Variants in FCHSD2 observed in about 807,000 individuals in gnomAD.
The protein encoded by FCHSD2 is FCH and double SH3 domains 2.
A neutral mutation model predicts 108.1 loss-of-function variants in FCHSD2; 38 were observed. The ratio of observed to expected loss-of-function variants is 0.35; its 90% CI spans 0.27 to 0.46. FCHSD2 has a LOEUF of 0.46. Ranked by LOEUF, FCHSD2 falls within the 20% of genes least tolerant of loss-of-function variation. The pLI is 1.00. For synonymous variants in FCHSD2, 279 were observed against 314.7 expected (o/e 0.89, Z 1.20); for missense variants, 751 against 897.8 (o/e 0.84, Z 2.09).
Position 72,843,137 on chromosome 11 carries a change from GT to G in FCHSD2, c.1705+13del. 1 of 1,613,234 alleles carries G rather than the reference GT, an allele frequency of 6.2e-7. No individual in the cohort carries two copies. Among genetic ancestry groups the G allele is most frequent in the East Asian group, 2.2e-5 (1 of 44,882 alleles). On this transcript the variant is annotated intron_variant, in intron 16 of 19. Transcript: ENST00000409418. Reference sequence around the variant, plus strand: ...AACGTGACCAAATAAAGAGTGCCTTGTTTCAGTCTTTACCACTGGCATCTCC... The same window carrying G: ...AACGTGACCAAATAAAGAGTGCCTTGTTCAGTCTTTACCACTGGCATCTCC...
chr11:72,906,891 T>C (rs887549089), intron 9 of FCHSD2, among the ~76,000 whole-genome samples: 1 of 152,202 alleles, frequency 6.6e-6, no homozygotes, highest in African/African-American at 2.4e-5. Flanking sequence ...TGCTTAGGAT[T>C]GTCTTGGCTA....
rs543623054 is a variant in FCHSD2, at chr11:73,025,931, G to A, written c.166-10046C>T. 2.6e-5 allele frequency among the ~76,000 whole-genome samples: 4 copies of A among 151,966 alleles called. No individual in the cohort carries two copies. The East Asian group carries it at 5.8e-4, about 22-fold the overall frequency. On this transcript the variant is annotated intron_variant, in intron 3 of 19. Coordinates refer to ENST00000409418, the MANE Select transcript of FCHSD2 (RefSeq NM_014824.3). The stretch of plus-strand genomic sequence containing the variant: ...ATATATACCTACTGATATGCTCCAC[G>A]TTTTGACTAAAAAACACAGATATGC...
Position 73,082,335 on chromosome 11 carries a change from C to CAAAAAA in FCHSD2, c.165+1354_165+1359dup, listed in dbSNP as rs750423401. 7.3e-3 allele frequency among the ~76,000 whole-genome samples: 251 copies of CAAAAAA among 34,346 alleles called. 12 individuals are homozygous for CAAAAAA. The highest frequency in any genetic ancestry group is 9.9e-3 in the Non-Finnish European group (185 of 18,714). 22.5% of individuals were successfully genotyped at this position (34,346 alleles called of 152,430 possible). A position where few individuals can be genotyped will look rare whatever the true frequency, so the allele number is the denominator to read the frequency against. On this transcript the variant is annotated intron_variant, in intron 3 of 19. Coordinates refer to ENST00000409418, the MANE Select transcript of FCHSD2 (RefSeq NM_014824.3). ...CTGGATCACAGAGTGAGACTTGTCCCAAAAAAAAAAAAAAAAAAAAAAAAA... is the reference window on the plus strand; with the variant it reads ...CTGGATCACAGAGTGAGACTTGTCCCAAAAAAAAAAAAAAAAAAAAAAAAAAAAAAA...
intron 12 of FCHSD2, among the ~76,000 whole-genome samples, chr11:72,875,757 C>T (rs1176912401): frequency 6.6e-6 from 1 of 152,218 alleles, no homozygotes; most frequent in Non-Finnish European, 1.5e-5. Flanking sequence ...AGTCCACTCC[C>T]ACCATGATTC....
intron 8 of FCHSD2, among the ~76,000 whole-genome samples, chr11:72,959,857 T>G (rs953566400): frequency 6.8e-6 from 1 of 147,640 alleles, no homozygotes; most frequent in African/African-American, 2.5e-5. Flanking sequence ...TTCTAGGGTG[T>G]GTGTGTGTGT....
intron 3 of FCHSD2, among the ~76,000 whole-genome samples, chr11:73,079,194 G>A (rs1019929758): frequency 6.6e-6 from 1 of 151,286 alleles, no homozygotes; most frequent in Non-Finnish European, 1.5e-5. Flanking sequence ...AGAGTTAAGA[G>A]AAATAATTTT....
chr11:72,931,663 G>A (rs1456406864), intron 8 of FCHSD2, among the ~76,000 whole-genome samples: 2 of 152,042 alleles, frequency 1.3e-5, no homozygotes, highest in Non-Finnish European at 2.9e-5. Flanking sequence ...TACTTGGGAG[G>A]TTGAGTTAGG....
chr11:72,843,374 G>A (rs756759778), intron 15 of FCHSD2, 46 bp from the exon 16 acceptor site: 12 of 1,610,624 alleles, frequency 7.5e-6, no homozygotes, highest in Non-Finnish European at 1.0e-5. Flanking sequence ...ACACAATTTA[G>A]ACAGGGCACA....
chr11:72,910,292 G>A (rs940222220), intron 9 of FCHSD2, among the ~76,000 whole-genome samples: 11 of 152,174 alleles, frequency 7.2e-5, no homozygotes, highest in Non-Finnish European at 7.4e-5. Context: ...GCCTTTGTCC[G>A]GCCGCCCCGT....
At chr11:73,135,834 C>T (rs1306509849) in intron 2 of FCHSD2, among the ~76,000 whole-genome samples, 1 of 152,168 alleles carries the variant, frequency 6.6e-6, no homozygotes, top group African/African-American at 2.4e-5. Flanking sequence ...TAATTGGTCT[C>T]CTCCCCTCGA....
intron 13 of FCHSD2, among the ~76,000 whole-genome samples, chr11:72,859,994 A>G (rs1861528314): frequency 6.6e-6 from 1 of 152,212 alleles, no homozygotes; most frequent in South Asian, 2.1e-4. Context: ...TTGGGGTACC[A>G]TGAGGGAAGG....
At chr11:72,910,628 T>A (rs574010385) in intron 9 of FCHSD2, among the ~76,000 whole-genome samples, 1 of 152,226 alleles carries the variant, frequency 6.6e-6, no homozygotes, top group South Asian at 2.1e-4. Context: ...GAAGGCAGCA[T>A]GCTCGTTAAG....
intron 2 of FCHSD2, among the ~76,000 whole-genome samples, chr11:73,122,497 A>G (rs1565100909): frequency 6.6e-6 from 1 of 152,254 alleles, no homozygotes; most frequent in Non-Finnish European, 1.5e-5. Context: ...TCTGCTCTTC[A>G]GAACACAGGA....
chr11:73,094,906 G>A lies in FCHSD2; in HGVS notation c.120-11166C>T, dbSNP rs12295119. Among the ~76,000 whole-genome samples the A allele has an allele frequency of 5.3e-3, 801 of 152,272 alleles. 7 individuals carry two copies. The highest frequency in any genetic ancestry group is 0.018 in the African/African-American group (740 of 41,556). On this transcript the variant is annotated intron_variant, in intron 2 of 19. Coordinates refer to ENST00000409418, the MANE Select transcript of FCHSD2 (RefSeq NM_014824.3). Reference sequence around the variant, plus strand: ...AAGCGGAACGAACAACTGAAGCTATGTTGTAAGTCTGGCAGAAAGCAAATT... The same window carrying A: ...AAGCGGAACGAACAACTGAAGCTATATTGTAAGTCTGGCAGAAAGCAAATT...
chr11:72,852,772 A>G (rs191446100), intron 13 of FCHSD2, among the ~76,000 whole-genome samples: 1 of 152,256 alleles, frequency 6.6e-6, no homozygotes, highest in Non-Finnish European at 1.5e-5. Context: ...AAGTTGAATA[A>G]AGAAAATGTG....
At chr11:73,075,949 T>C (rs1859541164) in intron 3 of FCHSD2, among the ~76,000 whole-genome samples, 1 of 151,764 alleles carries the variant, frequency 6.6e-6, no homozygotes, top group African/African-American at 2.4e-5. Context: ...CAAAACCTCA[T>C]CTCTACTAAA....
At chr11:72,956,461 A>C (rs913214903) in intron 8 of FCHSD2, among the ~76,000 whole-genome samples, 2 of 152,212 alleles carry the variant, frequency 1.3e-5, no homozygotes, top group African/African-American at 4.8e-5. Context: ...CTGATACAAG[A>C]AATACCATAA....
chr11:72,857,169 T>G (rs1427829147), intron 13 of FCHSD2, among the ~76,000 whole-genome samples: 1 of 152,170 alleles, frequency 6.6e-6, no homozygotes, highest in Non-Finnish European at 1.5e-5. Flanking sequence ...GCAATAGCGG[T>G]CACTGTCATA....
chr11:73,132,716 C>G (rs1861030721), intron 2 of FCHSD2, among the ~76,000 whole-genome samples: 1 of 151,420 alleles, frequency 6.6e-6, no homozygotes, highest in Admixed American at 6.6e-5. Flanking sequence ...CCTAGCTACT[C>G]CGGAGGCTGG....
Sources: gnomAD v4.1 joint callset for allele counts (sites outside exome capture counted in the v4.1 genomes callset) on GRCh38, gnomAD v4.1.1 for gene constraint, MANE v1.5 for transcripts, NCBI Gene and HGNC (gene_info 2026-07-23, HGNC 2026-07-21) for gene names.